Variants in SHISA9 observed in about 807,000 individuals in gnomAD.
The protein encoded by SHISA9 is protein shisa-9.
SHISA9 carries 13 observed loss-of-function variants against 38.0 expected under a neutral mutation model. That is an observed-to-expected ratio of 0.34 (90% CI 0.22 to 0.54). The LOEUF is 0.54. Ranked by LOEUF, SHISA9 falls within the 20% of genes least tolerant of loss-of-function variation. SHISA9 has a pLI of 0.91. For synonymous variants in SHISA9, 275 were observed against 242.0 expected, an observed-to-expected ratio of 1.14 and a Z score of -1.27; for missense variants, 538 against 575.8, an observed-to-expected ratio of 0.93 and a Z score of 0.67.
At chr16:13,402,159 G>A in the SHISA9 span, among the ~76,000 whole-genome samples, 24 of 151,632 alleles carry the variant, frequency 1.6e-4, no homozygotes, top group African/African-American at 5.8e-4. Flanking sequence ...GGGAATTTAT[G>A]ATGGGAATTG....
At chr16:12,942,459 A>G (rs562425376) in intron 2 of SHISA9, among the ~76,000 whole-genome samples, 13 of 152,340 alleles carry the variant, frequency 8.5e-5, no homozygotes, top group African/African-American at 2.6e-4. Flanking sequence ...TGGAAGCATG[A>G]GTCCCTCAGT....
chr16:13,089,866 C>T (rs2073755313), intron 2 of SHISA9, among the ~76,000 whole-genome samples: 2 of 152,048 alleles, frequency 1.3e-5, no homozygotes, highest in South Asian at 4.1e-4. Context: ...TTTGCTCTTG[C>T]TTCTCTAGTT....
intron 2 of SHISA9, among the ~76,000 whole-genome samples, chr16:13,064,798 A>G (rs1172645072): frequency 1.3e-5 from 2 of 149,624 alleles, no homozygotes; most frequent in Admixed American, 6.8e-5. Context: ...AAAAAAAAAA[A>G]AAAGAAAAAA....
the SHISA9 span, among the ~76,000 whole-genome samples, chr16:13,491,379 A>AG: frequency 2.3e-4 from 31 of 134,098 alleles, no homozygotes; most frequent in Non-Finnish European, 1.8e-4. Flanking sequence ...TACTTTTCAG[A>AG]GCCTTTTTTT....
intron 2 of SHISA9, among the ~76,000 whole-genome samples, chr16:13,060,420 C>T (rs974917304): frequency 2.0e-5 from 3 of 152,128 alleles, no homozygotes; most frequent in African/African-American, 4.8e-5. Context: ...TCTAGGATTC[C>T]GTTTTCTTCT....
At chr16:13,057,153 G>A (rs188348462) in intron 2 of SHISA9, among the ~76,000 whole-genome samples, 1 of 152,228 alleles carries the variant, frequency 6.6e-6, no homozygotes, top group African/African-American at 2.4e-5. Flanking sequence ...CTGGAGGGTT[G>A]TACCCAGGTG....
chr16:13,050,570 G>C (rs553719707), intron 2 of SHISA9, among the ~76,000 whole-genome samples: 1 of 152,224 alleles, frequency 6.6e-6, no homozygotes, highest in Admixed American at 6.5e-5. Flanking sequence ...GAGCTCAAGC[G>C]GTCCGCTCTC....
chr16:13,010,989 C>T (rs1019621864), intron 2 of SHISA9, among the ~76,000 whole-genome samples: 1 of 152,090 alleles, frequency 6.6e-6, no homozygotes, highest in African/African-American at 2.4e-5. Flanking sequence ...ATATTCTTAT[C>T]AAGTTTCTGA....
the SHISA9 span, among the ~76,000 whole-genome samples, chr16:13,378,130 C>T: frequency 6.6e-6 from 1 of 152,152 alleles, no homozygotes; most frequent in East Asian, 1.9e-4. Flanking sequence ...TAGATGATGT[C>T]TTGGGATTTA....
At chr16:13,542,113 A>G in the SHISA9 span, among the ~76,000 whole-genome samples, 2 of 152,210 alleles carry the variant, frequency 1.3e-5, no homozygotes, top group African/African-American at 2.4e-5. Context: ...TGATGCTGCC[A>G]TAAGCCAAGG....
At chr16:13,086,043 C>T (rs1403291885) in intron 2 of SHISA9, among the ~76,000 whole-genome samples, 2 of 152,062 alleles carry the variant, frequency 1.3e-5, no homozygotes, top group African/African-American at 2.4e-5. Context: ...TTAAAGCTAA[C>T]TAAAATTTAT....
intron 4 of SHISA9, among the ~76,000 whole-genome samples, chr16:13,226,544 T>A (rs937791711): frequency 6.6e-6 from 1 of 152,206 alleles, no homozygotes; most frequent in African/African-American, 2.4e-5. Context: ...ACCTCAAAGC[T>A]TTTGCAAATG....
rs146453525 is a variant in SHISA9, at chr16:13,171,859, G to T, written c.692-31535G>T. Reference sequence around the variant, plus strand: ...GCATATGATAAAATTGCAACATTGTGTGATGCTGAGTGAATAGCTTTCTCT... The same window carrying T: ...GCATATGATAAAATTGCAACATTGTTTGATGCTGAGTGAATAGCTTTCTCT... On this transcript the variant is annotated intron_variant, in intron 2 of 4. Coordinates refer to ENST00000558583, the MANE Select transcript of SHISA9 (RefSeq NM_001145204.3). Among the ~76,000 whole-genome samples the T allele has an allele frequency of 5.8e-4, 89 of 152,318 alleles. No individual in the cohort carries two copies. The East Asian group carries it at 0.015, about 26-fold the overall frequency.
At chr16:13,253,620 T>G in the SHISA9 span, among the ~76,000 whole-genome samples, 19 of 152,120 alleles carry the variant, frequency 1.2e-4, no homozygotes, top group African/African-American at 4.3e-4. Context: ...TGAGACTTAT[T>G]CACTATGGCA....
intron 2 of SHISA9, among the ~76,000 whole-genome samples, chr16:13,066,598 T>C (rs1380969421): frequency 1.3e-5 from 2 of 152,228 alleles, no homozygotes; most frequent in African/African-American, 4.8e-5. Flanking sequence ...ACCTAACTTC[T>C]ATAAGCCTCA....
chr16:13,196,252 CT>C (rs1238092458), intron 2 of SHISA9, among the ~76,000 whole-genome samples: 3 of 151,042 alleles, frequency 2.0e-5, no homozygotes, highest in African/African-American at 7.3e-5. Context: ...AAAAAATTAG[CT>C]GGGCGAGGTG....
At chr16:13,047,909 C>A (rs1218186425) in intron 2 of SHISA9, among the ~76,000 whole-genome samples, 2 of 152,134 alleles carry the variant, frequency 1.3e-5, no homozygotes, top group Non-Finnish European at 2.9e-5. Flanking sequence ...TTACAAATGT[C>A]CCTTCATGTA....
intron 2 of SHISA9, chr16:13,197,673 A>G (rs1489530494): frequency 6.6e-6 from 1 of 152,226 alleles, no homozygotes; most frequent in East Asian, 1.9e-4. Context: ...GAAAAACAGC[A>G]TCACAGAAGG....
At chr16:13,075,532 G>T (rs985115978) in intron 2 of SHISA9, among the ~76,000 whole-genome samples, 2 of 152,156 alleles carry the variant, frequency 1.3e-5, no homozygotes, top group Non-Finnish European at 2.9e-5. Context: ...GGTCAGCTAG[G>T]GTCGTGGGCT....
Sources: allele counts gnomAD v4.1 joint callset (sites outside exome capture counted in the v4.1 genomes callset), GRCh38; gene constraint gnomAD v4.1.1; transcripts MANE v1.5; gene names NCBI Gene and HGNC (gene_info 2026-07-23, HGNC 2026-07-21).